SLC33A1: variants seen among roughly 807,000 people sequenced by gnomAD.
SLC33A1 encodes solute carrier family 33 member 1, also known as acetyl-coenzyme A transporter 1.
SLC33A1 carries 20 observed loss-of-function variants against 50.0 expected under a neutral mutation model. That is an observed-to-expected ratio of 0.40 (90% CI 0.28 to 0.58). SLC33A1 has a LOEUF of 0.58. Ranked by LOEUF, SLC33A1 falls within the 20% of genes least tolerant of loss-of-function variation. SLC33A1 has a pLI of 0.44. For missense variants in SLC33A1, 476 were observed against 657.0 expected (o/e 0.72, Z 3.01); for synonymous variants, 265 against 251.8 (o/e 1.05, Z -0.50).
intron 2 of SLC33A1, among the ~76,000 whole-genome samples, chr3:155,839,100 T>A (rs921976022): frequency 6.6e-6 from 1 of 151,486 alleles, no homozygotes; most frequent in Non-Finnish European, 1.5e-5. Context: ...ACCAGCCTGA[T>A]CAACATGGAG....
Position 155,842,377 on chromosome 3 carries a change from T to C in SLC33A1, c.963+55A>G, listed in dbSNP as rs1175824939. The stretch of plus-strand genomic sequence containing the variant: ...GATATGAAAAAGGCATTGTAAGTAT[T>C]CCATGATATTGATACTTATAAGAAA... On this transcript the variant is annotated intron_variant, in intron 2 of 5. Transcript: ENST00000643144. 2.7e-6 allele frequency: 3 copies of C among 1,105,852 alleles called. No homozygotes were observed. The African/African-American group carries it at 4.7e-5, about 17-fold the overall frequency. The allele number at this position is 1,105,852 out of a possible 1,614,324, so 68.5% of individuals were successfully genotyped here. A position where few individuals can be genotyped will look rare whatever the true frequency, so the allele number is the denominator to read the frequency against.
At chr3:155,840,544 G>T (rs759443670) in intron 2 of SLC33A1, among the ~76,000 whole-genome samples, 5 of 151,906 alleles carry the variant, frequency 3.3e-5, no homozygotes, top group Non-Finnish European at 7.4e-5. Flanking sequence ...ATTGCCAGGC[G>T]CGGTGGCTCA....
intron 2 of SLC33A1, among the ~76,000 whole-genome samples, chr3:155,838,634 T>A (rs1577465942): frequency 7.4e-6 from 1 of 136,022 alleles, no homozygotes; most frequent in Non-Finnish European, 1.5e-5. Flanking sequence ...TGAGCAGAGA[T>A]CCCACCACTG....
At chr3:155,843,454 AATGAGGACCC>A (rs1753007068) in intron 1 of SLC33A1, among the ~76,000 whole-genome samples, 1 of 152,188 alleles carries the variant, frequency 6.6e-6, no homozygotes, top group Non-Finnish European at 1.5e-5. Context: ...GTAGGTGCAG[AATGAGGACCC>A]ATGAAGAGTA....
chr3:155,843,195 A>G (rs1340591030), intron 1 of SLC33A1, among the ~76,000 whole-genome samples: 1 of 152,074 alleles, frequency 6.6e-6, no homozygotes, highest in Non-Finnish European at 1.5e-5. Flanking sequence ...TGAATGAACA[A>G]AAGCCTATCA....
At chr3:155,852,414 G>A (rs1214291860) in intron 1 of SLC33A1, among the ~76,000 whole-genome samples, 31 of 152,150 alleles carry the variant, frequency 2.0e-4, no homozygotes, top group Admixed American at 2.0e-3. Context: ...TTACTTACAG[G>A]ACAAACTTTA....
intron 4 of SLC33A1, among the ~76,000 whole-genome samples, chr3:155,831,004 G>T (rs757032206): frequency 9.9e-5 from 15 of 152,138 alleles, no homozygotes; most frequent in Non-Finnish European, 1.8e-4. Context: ...AAGACTGAAA[G>T]ACACTAACTT....
intron 2 of SLC33A1, among the ~76,000 whole-genome samples, chr3:155,835,060 T>C (rs1286471517): frequency 1.3e-5 from 2 of 152,214 alleles, no homozygotes; most frequent in East Asian, 1.9e-4. Context: ...AATAATATTA[T>C]ATCAATTTAA....
chr3:155,830,778 A>AAT (rs1752395332), intron 4 of SLC33A1, among the ~76,000 whole-genome samples: 1 of 152,108 alleles, frequency 6.6e-6, no homozygotes, highest in Non-Finnish European at 1.5e-5. Flanking sequence ...AAGAAATAGG[A>AAT]ATATATATAT....
Position 155,827,053 on chromosome 3 carries a change from T to C in SLC33A1, c.*1157A>G, listed in dbSNP as rs1219654589. Reference sequence around the variant, plus strand: ...AGCTTAATTTTCTTGGAATAGCAACTGTCCACTGAAAACTATAGTATTCAA... The same window carrying C: ...AGCTTAATTTTCTTGGAATAGCAACCGTCCACTGAAAACTATAGTATTCAA... On this transcript the variant is annotated 3_prime_UTR_variant, in exon 6 of 6. Coordinates refer to ENST00000643144, the MANE Select transcript of SLC33A1 (RefSeq NM_004733.4). The C allele has an allele frequency of 6.6e-6, 1 of 152,186 alleles. No homozygotes were observed. Among genetic ancestry groups the C allele is most frequent in the Non-Finnish European group, 1.5e-5 (1 of 68,016 alleles). The allele number at this position is 152,186 out of a possible 1,614,324, so 9.4% of individuals were successfully genotyped here.
At chr3:155,837,246 C>T (rs1752716100) in intron 2 of SLC33A1, among the ~76,000 whole-genome samples, 2 of 149,976 alleles carry the variant, frequency 1.3e-5, no homozygotes, top group Admixed American at 1.4e-4. Flanking sequence ...GTCCCAGCTA[C>T]TTGGGAGGCT....
chr3:155,836,489 A>G (rs1221592188), intron 2 of SLC33A1, among the ~76,000 whole-genome samples: 1 of 152,062 alleles, frequency 6.6e-6, no homozygotes, highest in Non-Finnish European at 1.5e-5. Flanking sequence ...AAAATAAGAC[A>G]TACAAACTGA....
chr3:155,824,780 C>T lies in SLC33A1; in HGVS notation c.*3430G>A, dbSNP rs1752165340. ...AAAAAATTACATATCCAGAGTTTCA[C>T]AAGCAATTCAGGGGTTTTTCCCACA... is the stretch of plus-strand genomic sequence containing the variant. On this transcript the variant is annotated 3_prime_UTR_variant, in exon 6 of 6. Coordinates refer to ENST00000643144, the MANE Select transcript of SLC33A1 (RefSeq NM_004733.4). 6.6e-6 allele frequency: 1 copy of T among 152,102 alleles called. No homozygotes were observed. The highest frequency in any genetic ancestry group is 2.4e-5 in the African/African-American group (1 of 41,422). 9.4% of individuals were successfully genotyped at this position (152,102 alleles called of 1,614,324 possible). A position where few individuals can be genotyped will look rare whatever the true frequency, so the allele number is the denominator to read the frequency against.
At chr3:155,842,756 C>T (rs1752982269) in intron 1 of SLC33A1, 137 bp from the exon 2 acceptor site, 1 of 519,526 alleles carries the variant, frequency 1.9e-6, no homozygotes, top group East Asian at 3.6e-5. Flanking sequence ...TGCCTGTAAT[C>T]CTAGCACTTT....
Position 155,828,040 on chromosome 3 carries a change from AT to A in SLC33A1, c.*169del, listed in dbSNP as rs139894444. The stretch of plus-strand genomic sequence containing the variant: ...AATACATTGACAAGGCAAAAAAAAA[AT>A]ATGATCAAATATACAGAAAGGTTTC... On this transcript the variant is annotated 3_prime_UTR_variant, in exon 6 of 6. Coordinates refer to ENST00000643144, the MANE Select transcript of SLC33A1 (RefSeq NM_004733.4). The A allele has an allele frequency of 7.5e-3, 4,348 of 577,750 alleles. 119 individuals carry two copies. Among genetic ancestry groups the A allele is most frequent in the African/African-American group, 0.073 (3,851 of 52,906 alleles). 35.8% of individuals were successfully genotyped at this position (577,750 alleles called of 1,614,324 possible).
At chr3:155,852,517 C>T (rs1029642506) in intron 1 of SLC33A1, among the ~76,000 whole-genome samples, 7 of 152,308 alleles carry the variant, frequency 4.6e-5, no homozygotes, top group Non-Finnish European at 8.8e-5. Context: ...ACAATTTAGG[C>T]AATGTCCTGT....
chr3:155,843,146 A>C (rs995576709), intron 1 of SLC33A1: 1 of 152,334 alleles, frequency 6.6e-6, no homozygotes, highest in Non-Finnish European at 1.5e-5. Flanking sequence ...CCAAAAAGGC[A>C]GGGGGTGGTG....
intron 1 of SLC33A1, among the ~76,000 whole-genome samples, chr3:155,847,000 G>A (rs1375594777): frequency 6.6e-6 from 1 of 151,786 alleles, no homozygotes; most frequent in African/African-American, 2.4e-5. Flanking sequence ...TTGAGGTCAG[G>A]AGTTCAAGAC....
rs142473843 is a variant in SLC33A1 at position 155,840,999 on chromosome 3, A to T, written c.963+1433T>A. On this transcript the variant is annotated intron_variant, in intron 2 of 5. Transcript: ENST00000643144. The stretch of plus-strand genomic sequence containing the variant: ...ACTTTGTCTCAAAAAAAATATATAT[A>T]TATATTGTTATGCTCCTTGAACTTT... 5.8e-3 allele frequency among the ~76,000 whole-genome samples: 878 copies of T among 151,486 alleles called. 8 individuals carry two copies. Among genetic ancestry groups the T allele is most frequent in the South Asian group, 0.017 (80 of 4,808 alleles).
Sources: allele counts gnomAD v4.1 joint callset (sites outside exome capture counted in the v4.1 genomes callset), GRCh38; gene constraint gnomAD v4.1.1; transcripts MANE v1.5; gene names NCBI Gene and HGNC (gene_info 2026-07-23, HGNC 2026-07-21).